The following KCNQ5 variants were observed in gnomAD, a reference collection of about 807,000 sequenced individuals.
The protein encoded by KCNQ5 is potassium voltage-gated channel subfamily Q member 5, also known as potassium voltage-gated channel subfamily KQT member 5.
In KCNQ5, 30 loss-of-function variants were observed where a neutral mutation model predicts 98.2. The observed-to-expected ratio is 0.31, with a 90% CI of 0.23 to 0.41. KCNQ5 has a LOEUF of 0.41. KCNQ5 is among the 10% of genes least tolerant of loss of function. KCNQ5 has a pLI of 1.00. For missense variants in KCNQ5, 835 were observed against 1,182.5 expected (o/e 0.71, Z 4.31); for synonymous variants, 458 against 449.4 (o/e 1.02, Z -0.24).
intron 1 of KCNQ5, among the ~76,000 whole-genome samples, chr6:72,736,750 C>T (rs1379265339): frequency 1.3e-5 from 2 of 151,622 alleles, no homozygotes; most frequent in Admixed American, 6.6e-5. Context: ...CCGCCCGCCT[C>T]GGCCTCCCAA....
chr6:72,837,947 C>A (rs1359401782), intron 1 of KCNQ5, among the ~76,000 whole-genome samples: 1 of 149,414 alleles, frequency 6.7e-6, no homozygotes, highest in African/African-American at 2.5e-5. Context: ...TTTTTGGATT[C>A]TTCATCCTTT....
chr6:72,660,469 A>G (rs919671331), intron 1 of KCNQ5, among the ~76,000 whole-genome samples: 5 of 150,282 alleles, frequency 3.3e-5, no homozygotes, highest in African/African-American at 5.0e-5. Flanking sequence ...AAAGGCCAAC[A>G]ATAACATGTG....
At chr6:72,950,237 C>T (rs949212634) in intron 1 of KCNQ5, among the ~76,000 whole-genome samples, 2 of 152,094 alleles carry the variant, frequency 1.3e-5, no homozygotes, top group African/African-American at 2.4e-5. Flanking sequence ...TAACTGGTAG[C>T]GTATTCAGTA....
intron 5 of KCNQ5, among the ~76,000 whole-genome samples, chr6:73,097,156 T>TATATATATATATATATATATATAC (rs1774544576): frequency 6.8e-6 from 1 of 147,354 alleles, no homozygotes; most frequent in South Asian, 2.2e-4. Flanking sequence ...TATATATATA[T>TATATATATATATATATATATATAC]ATACACACAC....
chr6:72,973,134 C>A (rs1309271836), intron 1 of KCNQ5, among the ~76,000 whole-genome samples: 1 of 152,138 alleles, frequency 6.6e-6, no homozygotes, highest in African/African-American at 2.4e-5. Flanking sequence ...AAAAATGAGT[C>A]CCACTTTCTG....
Position 73,111,331 on chromosome 6 carries a change from A to G in KCNQ5, c.1053A>G (p.Ala351=), listed in dbSNP as rs764408697. 4 of 1,610,860 alleles carry G rather than the reference A, an allele frequency of 2.5e-6. No homozygotes were observed. Among genetic ancestry groups the G allele is most frequent in the Non-Finnish European group, 3.4e-6 (4 of 1,179,304 alleles). ...AGGGCATTCTTGGCTCAGGTTTTGC[A>G]TTAAAAGTACAAGAACAACACCGCC... is the stretch of plus-strand genomic sequence containing the variant. ...LPAGILGSGF[A]LKVQEQHRQK... The change falls in exon 7 of 14, where the codon GCA becomes GCG. Residue 351 remains alanine, a synonymous_variant. Coordinates refer to ENST00000370398, the MANE Select transcript of KCNQ5 (RefSeq NM_019842.4).
At chr6:72,735,822 A>G (rs1770799057) in intron 1 of KCNQ5, among the ~76,000 whole-genome samples, 1 of 152,062 alleles carries the variant, frequency 6.6e-6, no homozygotes. Context: ...TAATTTGTAT[A>G]AAGGCTTTGT....
intron 1 of KCNQ5, among the ~76,000 whole-genome samples, chr6:72,796,644 A>C (rs1774350799): frequency 6.6e-6 from 1 of 152,214 alleles, no homozygotes; most frequent in Admixed American, 6.6e-5. Flanking sequence ...ATAGCATGCT[A>C]TCCAGTGCTA....
chr6:73,014,929 C>A (rs1770253436), intron 2 of KCNQ5, among the ~76,000 whole-genome samples: 1 of 152,028 alleles, frequency 6.6e-6, no homozygotes, highest in South Asian at 2.1e-4. Context: ...AAATCAGCCA[C>A]AAGCACATTT....
intron 1 of KCNQ5, among the ~76,000 whole-genome samples, chr6:72,655,546 T>G (rs4706509): frequency 1.3e-5 from 2 of 151,800 alleles, no homozygotes; most frequent in Admixed American, 1.3e-4. Flanking sequence ...AATGCCAGGC[T>G]CCGGATGAGG....
intron 5 of KCNQ5, among the ~76,000 whole-genome samples, chr6:73,082,617 T>A (rs951634332): frequency 2.6e-5 from 4 of 152,226 alleles, no homozygotes; most frequent in Non-Finnish European, 4.4e-5. Context: ...AAGCAAAATG[T>A]CACGCTCACA....
chr6:73,192,758 A>G (rs990176052), intron 13 of KCNQ5, 67 bp downstream of exon 13: 7 of 1,269,466 alleles, frequency 5.5e-6, no homozygotes, highest in Non-Finnish European at 7.5e-6. Context: ...ATTATAGGCA[A>G]TTGTATGTAT....
intron 1 of KCNQ5, chr6:72,987,509 C>G: frequency 1.5e-6 from 1 of 660,714 alleles, no homozygotes; most frequent in East Asian, 3.4e-5. Context: ...AAAACCTGTC[C>G]CCTTCGTTCA....
At chr6:73,093,095 G>T (rs1774323996) in intron 5 of KCNQ5, among the ~76,000 whole-genome samples, 2 of 152,008 alleles carry the variant, frequency 1.3e-5, no homozygotes, top group Non-Finnish European at 2.9e-5. Flanking sequence ...CTTGTTATTG[G>T]TCATTCAGGC....
At chr6:72,783,387 A>G (rs6937185) in intron 1 of KCNQ5, among the ~76,000 whole-genome samples, 2,559 of 152,308 alleles carry the variant, frequency 0.017, 70 homozygotes, top group African/African-American at 0.057. Context: ...ACCTTATAAT[A>G]TAGTAATGAT....
At chr6:73,022,021 C>A (rs1770628720) in intron 2 of KCNQ5, among the ~76,000 whole-genome samples, 1 of 151,958 alleles carries the variant, frequency 6.6e-6, no homozygotes, top group Non-Finnish European at 1.5e-5. Context: ...TATAATCATG[C>A]ACATTAAAGA....
At chr6:73,170,420 CCA>C (rs57867720) in intron 11 of KCNQ5, among the ~76,000 whole-genome samples, 44,910 of 140,508 alleles carry the variant, frequency 0.32, 8,012 homozygotes, top group Non-Finnish European at 0.42. Context: ...ACCTTTCCCA[CCA>C]CACACACACA....
At chr6:73,175,471 AC>A (rs1325284930) in intron 11 of KCNQ5, among the ~76,000 whole-genome samples, 2 of 152,006 alleles carry the variant, frequency 1.3e-5, no homozygotes, top group African/African-American at 4.8e-5. Flanking sequence ...AATTTTTTCA[AC>A]CATGAAGAGC....
chr6:73,139,565 T>C (rs1287023997), intron 10 of KCNQ5, among the ~76,000 whole-genome samples: 2 of 152,298 alleles, frequency 1.3e-5, no homozygotes, highest in Admixed American at 1.3e-4. Flanking sequence ...ATGTCCGGGC[T>C]TTTAAAAACA....
Sources: gnomAD v4.1 joint callset for allele counts (sites outside exome capture counted in the v4.1 genomes callset) on GRCh38, gnomAD v4.1.1 for gene constraint, MANE v1.5 for transcripts, NCBI Gene and HGNC (gene_info 2026-07-23, HGNC 2026-07-21) for gene names.